Variants in UBQLNL observed in about 807,000 individuals in gnomAD.
The protein encoded by UBQLNL is ubiquilin-like protein.
For missense variants in UBQLNL, 589 were observed against 567.1 expected (o/e 1.04, Z -0.39); for synonymous variants, 223 against 209.7 (o/e 1.06, Z -0.55).
chr11:5,515,023 A>G lies in UBQLNL; in HGVS notation c.1419T>C (p.Leu473=), dbSNP rs2133829696. 6.2e-7 allele frequency: 1 copy of G among 1,613,600 alleles called. No individual in the cohort carries two copies. Among genetic ancestry groups the G allele is most frequent in the East Asian group, 2.2e-5 (1 of 44,884 alleles). ...FLQQTQISDL[L]SA ...AATGCTTTAGGGTTGCCTAAGCACT[A>G]AGCAGATCAGAAATCTGTGTCTGCT... Residue 473 remains leucine (L), a synonymous_variant, in exon 1 of 1, where the codon CTT becomes CTC. Coordinates refer to ENST00000380184, the MANE Select transcript of UBQLNL (RefSeq NM_145053.5).
rs754186917 is a variant in UBQLNL at position 5,516,047 on chromosome 11, C to T, written c.395G>A (p.Ser132Asn). Residue 132 changes from serine (S) to asparagine (N), a missense_variant, in exon 1 of 1, where the codon AGC becomes AAC. Transcript: ENST00000380184. ...CHRDRNTKGN[S>N]SRVHQPTGMN... is the part of the protein sequence containing the mutation. ...ACCAGTTGGTTGGTGCACTCTGCTG[C>T]TGTTTCCTTTGGTGTTTCTGTCCCG... 2 of 1,614,118 alleles carry T rather than the reference C, an allele frequency of 1.2e-6. No individual in the cohort carries two copies. Among genetic ancestry groups the T allele is most frequent in the South Asian group, 2.2e-5 (2 of 91,072 alleles).
At position 5,516,251 on chromosome 11, in the gene UBQLNL, T is replaced by C; in HGVS notation, c.191A>G (p.Gln64Arg). 6.2e-7 allele frequency: 1 copy of C among 1,614,178 alleles called. No homozygotes were observed. The highest frequency in any genetic ancestry group is 8.5e-7 in the Non-Finnish European group (1 of 1,180,030). The change falls in exon 1 of 1, where the codon CAA becomes CGA. Residue 64 changes from glutamine (Q) to arginine (R), a missense_variant. Coordinates refer to ENST00000380184, the MANE Select transcript of UBQLNL (RefSeq NM_145053.5). The stretch of plus-strand genomic sequence containing the variant: ...CAGCACTAGTTGGTCCATCTGGCAT[T>C]GGAAGTGAGCCAATAGCATCTCCTT... The part of the protein sequence containing the change: ...QFKEMLLAHF[Q>R]CQMDQLVLVF...
At position 5,515,599 on chromosome 11, in the gene UBQLNL, C is replaced by T. The variant is rs1444914904; in HGVS notation, c.843G>A (p.Met281Ile). ...CAAAAGGATCTTGCATGCTGTTCAG[C>T]ATTTGATCATTGATATCAGCATAGT... The part of the protein sequence containing the change: ...GQNYADINDQ[M>I]LNSMQDPFGG... The change falls in exon 1 of 1, where the codon ATG (methionine) becomes ATA (isoleucine). Residue 281 changes from methionine to isoleucine, a missense_variant. Transcript: ENST00000380184. 6.2e-7 allele frequency: 1 copy of T among 1,614,122 alleles called. No individual in the cohort carries two copies. Among genetic ancestry groups the T allele is most frequent in the Non-Finnish European group, 8.5e-7 (1 of 1,180,030 alleles).
chr11:5,516,537 T>A lies in UBQLNL; in HGVS notation c.-96A>T. 9.0e-7 allele frequency: 1 copy of A among 1,110,132 alleles called. No homozygotes were observed. Among genetic ancestry groups the A allele is most frequent in the East Asian group, 2.4e-5 (1 of 41,546 alleles). The allele number at this position is 1,110,132 out of a possible 1,614,324, so 68.8% of individuals were successfully genotyped here. A position where few individuals can be genotyped will look rare whatever the true frequency, so the allele number is the denominator to read the frequency against. ...TTCTGCTGGCCTTTGTCTCAGGTAT[T>A]GTGCTCTCAGGCCACAGGATAGTTT... On this transcript the variant is annotated 5_prime_UTR_variant, in exon 1 of 1. Coordinates refer to ENST00000380184, the MANE Select transcript of UBQLNL (RefSeq NM_145053.5).
Position 5,516,463 on chromosome 11 carries a change from T to A in UBQLNL, c.-22A>T. 1 of 1,602,320 alleles carries A rather than the reference T, an allele frequency of 6.2e-7. No individual in the cohort carries two copies. The highest frequency in any genetic ancestry group is 8.5e-7 in the Non-Finnish European group (1 of 1,171,358). ...ACATGGGCTTTAGTGGGTGGGCAGA[T>A]GGGGAGCAGGTGGAAGCTGGGGCAG... On this transcript the variant is annotated 5_prime_UTR_variant, in exon 1 of 1. Transcript: ENST00000380184.
Position 5,516,532 on chromosome 11 carries a change from G to A in UBQLNL, c.-91C>T, listed in dbSNP as rs1329416265. On this transcript the variant is annotated 5_prime_UTR_variant, in exon 1 of 1. Coordinates refer to ENST00000380184, the MANE Select transcript of UBQLNL (RefSeq NM_145053.5). ...AATGTTTCTGCTGGCCTTTGTCTCA[G>A]GTATTGTGCTCTCAGGCCACAGGAT... 1.7e-6 allele frequency: 2 copies of A among 1,154,556 alleles called. No homozygotes were observed. Among genetic ancestry groups the A allele is most frequent in the Non-Finnish European group, 2.5e-6 (2 of 792,700 alleles). The allele number at this position is 1,154,556 out of a possible 1,614,324, so 71.5% of individuals were successfully genotyped here.
In UBQLNL at chr11:5,514,993, C is replaced by G; in HGVS notation, c.*21G>C. The G allele has an allele frequency of 6.2e-7, 1 of 1,602,458 alleles. No homozygotes were observed. Among genetic ancestry groups the G allele is most frequent in the Non-Finnish European group, 8.5e-7 (1 of 1,173,614 alleles). The stretch of plus-strand genomic sequence containing the variant: ...AGGGCCTGCTCAATCTGCAATATTG[C>G]TTGGAATGCTTTAGGGTTGCCTAAG... On this transcript the variant is annotated 3_prime_UTR_variant, in exon 1 of 1. Coordinates refer to ENST00000380184, the MANE Select transcript of UBQLNL (RefSeq NM_145053.5).
In UBQLNL at chr11:5,516,097, G is replaced by A; in HGVS notation, c.345C>T (p.Asp115=). Residue 115 remains aspartate (D), a synonymous_variant, in exon 1 of 1, where the codon GAC becomes GAT. Coordinates refer to ENST00000380184, the MANE Select transcript of UBQLNL (RefSeq NM_145053.5). ...GSRSLAHSFR[D]LPTNDPCHRD... Reference sequence around the variant, plus strand: ...GGTGGCAGGGATCATTCGTTGGCAGGTCCCGGAAGGAATGGGCTAGAGATC... The same window carrying A: ...GGTGGCAGGGATCATTCGTTGGCAGATCCCGGAAGGAATGGGCTAGAGATC... The A allele has an allele frequency of 2.5e-6, 4 of 1,614,012 alleles. No individual in the cohort carries two copies. Among genetic ancestry groups the A allele is most frequent in the Non-Finnish European group, 3.4e-6 (4 of 1,179,962 alleles).
chr11:5,516,462 A>G lies in UBQLNL; in HGVS notation c.-21T>C. ...CACATGGGCTTTAGTGGGTGGGCAGATGGGGAGCAGGTGGAAGCTGGGGCA... is the reference window on the plus strand; with the variant it reads ...CACATGGGCTTTAGTGGGTGGGCAGGTGGGGAGCAGGTGGAAGCTGGGGCA... On this transcript the variant is annotated 5_prime_UTR_variant, in exon 1 of 1. Transcript: ENST00000380184. 6.2e-6 allele frequency: 10 copies of G among 1,602,780 alleles called. No homozygotes were observed. The highest frequency in any genetic ancestry group is 7.7e-6 in the Non-Finnish European group (9 of 1,171,600).
chr11:5,515,041 T>TGTCTGCTGCAGGAATGTGGGC lies in UBQLNL; in HGVS notation c.1380_1400dup (p.Pro461_Thr467dup). On this transcript the variant is annotated inframe_insertion, in exon 1 of 1. Transcript: ENST00000380184. ...AAGCACTAAGCAGATCAGAAATCTGTGTCTGCTGCAGGAATGTGGGCAGCT... is the reference window on the plus strand; with the variant it reads ...AAGCACTAAGCAGATCAGAAATCTGTGTCTGCTGCAGGAATGTGGGCGTCTGCTGCAGGAATGTGGGCAGCT... 10 of 1,614,054 alleles carry TGTCTGCTGCAGGAATGTGGGC rather than the reference T, an allele frequency of 6.2e-6. No homozygotes were observed. Among genetic ancestry groups the TGTCTGCTGCAGGAATGTGGGC allele is most frequent in the Non-Finnish European group, 8.5e-6 (10 of 1,180,010 alleles).
Position 5,514,572 on chromosome 11 carries a change from A to G in UBQLNL, c.*442T>C, listed in dbSNP as rs780933106. On this transcript the variant is annotated 3_prime_UTR_variant, in exon 1 of 1. Transcript: ENST00000380184. ...TCAGGTGGGTCAGCAGGCAGGTAGC[A>G]AGCAAACAAGTAGGCATGGTGGTTA... The G allele has an allele frequency of 1.1e-4, 18 of 170,174 alleles. No individual in the cohort carries two copies. The highest frequency in any genetic ancestry group is 1.8e-4 in the Non-Finnish European group (14 of 78,822). The allele number at this position is 170,174 out of a possible 1,614,324, so 10.5% of individuals were successfully genotyped here.
Position 5,515,245 on chromosome 11 carries a change from G to C in UBQLNL, c.1197C>G (p.Ala399=). Residue 399 remains alanine, a synonymous_variant, in exon 1 of 1, where the codon GCC becomes GCG. Coordinates refer to ENST00000380184, the MANE Select transcript of UBQLNL (RefSeq NM_145053.5). ...TQQLQEEYKD[A]TVSLSSSRQT... The stretch of plus-strand genomic sequence containing the variant: ...GTCTGGAGCTACTTAGAGAAACAGT[G>C]GCATCCTTGTATTCTTCTTGAAGCT... 6.2e-7 allele frequency: 1 copy of C among 1,614,196 alleles called. No individual in the cohort carries two copies. Among genetic ancestry groups the C allele is most frequent in the East Asian group, 2.2e-5 (1 of 44,876 alleles).
chr11:5,515,070 G>T lies in UBQLNL; in HGVS notation c.1372C>A (p.Gln458Lys). ...SMPQLSEQWR[Q>K]QLPTFLQQTQ... The stretch of plus-strand genomic sequence containing the variant: ...TGCTGCAGGAATGTGGGCAGCTGCT[G>T]CCTCCACTGTTCACTCAGCTGGGGC... Residue 458 changes from glutamine (Q) to lysine (K), a missense_variant, in exon 1 of 1, where the codon CAG becomes AAG. Physicochemically the swap from Gln to Lys is moderately conservative, Grantham distance 53. Transcript: ENST00000380184. 1.9e-6 allele frequency: 3 copies of T among 1,614,198 alleles called. No homozygotes were observed. Among genetic ancestry groups the T allele is most frequent in the Non-Finnish European group, 2.5e-6 (3 of 1,180,034 alleles).
chr11:5,515,022 T>C lies in UBQLNL; in HGVS notation c.1420A>G (p.Ser474Gly). The change falls in exon 1 of 1, where the codon AGT becomes GGT. Residue 474 changes from serine (S) to glycine (G), a missense_variant. Ser to Gly is a moderately conservative substitution (Grantham distance 56). Transcript: ENST00000380184. The part of the protein sequence containing the change: ...LQQTQISDLL[S>G]A ...GAATGCTTTAGGGTTGCCTAAGCAC[T>C]AAGCAGATCAGAAATCTGTGTCTGC... 6.2e-7 allele frequency: 1 copy of C among 1,613,570 alleles called. No homozygotes were observed. Among genetic ancestry groups the C allele is most frequent in the South Asian group, 1.1e-5 (1 of 91,032 alleles).
Position 5,514,820 on chromosome 11 carries a change from T to C in UBQLNL, c.*194A>G. 3 of 609,362 alleles carry C rather than the reference T, an allele frequency of 4.9e-6. No homozygotes were observed. Among genetic ancestry groups the C allele is most frequent in the Non-Finnish European group, 8.6e-6 (3 of 347,810 alleles). The allele number at this position is 609,362 out of a possible 1,614,324, so 37.7% of individuals were successfully genotyped here. Reference sequence around the variant, plus strand: ...TTCCAGGCTTGTGGCAGCACTCAGGTCCCTTGGGCTCAGCTGTATCTGAAA... The same window carrying C: ...TTCCAGGCTTGTGGCAGCACTCAGGCCCCTTGGGCTCAGCTGTATCTGAAA... On this transcript the variant is annotated 3_prime_UTR_variant, in exon 1 of 1. Coordinates refer to ENST00000380184, the MANE Select transcript of UBQLNL (RefSeq NM_145053.5).
chr11:5,515,965 C>A lies in UBQLNL; in HGVS notation c.477G>T (p.Val159=), dbSNP rs1846530323. Residue 159 remains valine (V), a synonymous_variant, in exon 1 of 1, where the codon GTG becomes GTT. Transcript: ENST00000380184. ...AHFVGSDAPK[V]HTQNLEVSHP... ...GGCTCACTTCCAAGTTTTGGGTATGCACTTTGGGTGCATCAGACCCCACAA... is the reference window on the plus strand; with the variant it reads ...GGCTCACTTCCAAGTTTTGGGTATGAACTTTGGGTGCATCAGACCCCACAA... 6.2e-7 allele frequency: 1 copy of A among 1,614,034 alleles called. No individual in the cohort carries two copies. Among genetic ancestry groups the A allele is most frequent in the South Asian group, 1.1e-5 (1 of 91,080 alleles).
At position 5,515,703 on chromosome 11, in the gene UBQLNL, T is replaced by G. The variant is rs563387478; in HGVS notation, c.739A>C (p.Asn247His). The change falls in exon 1 of 1, where the codon AAC (asparagine) becomes CAC (histidine). Residue 247 changes from asparagine to histidine, a missense_variant. Transcript: ENST00000380184. Reference sequence around the variant, plus strand: ...TGTGGGTTCAGTGGATACTCAAGGTTTTGTGAAGGTTGTTGGATCTGCATT... The same window carrying G: ...TGTGGGTTCAGTGGATACTCAAGGTGTTGTGAAGGTTGTTGGATCTGCATT... ...EIMQIQQPSQ[N>H]LEYPLNPQPY... 33 of 1,614,088 alleles carry G rather than the reference T, an allele frequency of 2.0e-5. No individual in the cohort carries two copies. In the Admixed American group the frequency reaches 3.2e-4, roughly 15 times the overall value.
Position 5,514,741 on chromosome 11 carries a change from C to G in UBQLNL, c.*273G>C, listed in dbSNP as rs1216897523. The stretch of plus-strand genomic sequence containing the variant: ...TGTTTGCTAAAACAAATCTCAGGAG[C>G]TTGCAGAGGGTGGGAAGGGTCCCCA... On this transcript the variant is annotated 3_prime_UTR_variant, in exon 1 of 1. Coordinates refer to ENST00000380184, the MANE Select transcript of UBQLNL (RefSeq NM_145053.5). 2 of 435,278 alleles carry G rather than the reference C, an allele frequency of 4.6e-6. No homozygotes were observed. Among genetic ancestry groups the G allele is most frequent in the Non-Finnish European group, 8.2e-6 (2 of 244,938 alleles). The allele number at this position is 435,278 out of a possible 1,614,324, so 27.0% of individuals were successfully genotyped here.
rs1846507585 is a variant in UBQLNL, at chr11:5,514,933, G to A, written c.*81C>T. 4 of 1,444,958 alleles carry A rather than the reference G, an allele frequency of 2.8e-6. No homozygotes were observed. In the East Asian group the frequency reaches 6.8e-5, roughly 25 times the overall value. 89.5% of individuals were successfully genotyped at this position (1,444,958 alleles called of 1,614,324 possible). A position where few individuals can be genotyped will look rare whatever the true frequency, so the allele number is the denominator to read the frequency against. ...CCCCATAGGTAGGGTGCAACCCAAG[G>A]CAGAAGAACAGGAGCCTCTGTGGCC... is the stretch of plus-strand genomic sequence containing the variant. On this transcript the variant is annotated 3_prime_UTR_variant, in exon 1 of 1. Transcript: ENST00000380184.
Sources: gnomAD v4.1 joint callset for allele counts on GRCh38, gnomAD v4.1.1 for gene constraint, MANE v1.5 for transcripts, NCBI Gene and HGNC (gene_info 2026-07-23, HGNC 2026-07-21) for gene names.